Variants in LMX1B observed in about 807,000 individuals in gnomAD.
The protein encoded by LMX1B is LIM homeobox transcription factor 1-beta.
LMX1B carries 12 observed loss-of-function variants against 51.4 expected under a neutral mutation model. The observed-to-expected ratio is 0.23, with a 90% confidence interval of 0.15 to 0.38. The LOEUF is 0.38. Ranked by LOEUF, LMX1B falls within the 10% of genes least tolerant of loss-of-function variation. LMX1B has a pLI of 1.00. For missense variants in LMX1B, 445 were observed against 571.1 expected, an observed-to-expected ratio of 0.78 and a Z score of 2.25; for synonymous variants, 237 against 235.4, an observed-to-expected ratio of 1.01 and a Z score of -0.06.
chr9:126,658,275 G>C lies in LMX1B; in HGVS notation c.327-32561G>C, dbSNP rs1836157254. ...CAGGCTTGGGGTTTGGAGAAAGGGA[G>C]TCAAGCCTCTAAAATGAGGGAGGGA... On this transcript the variant is annotated intron_variant, in intron 2 of 7. Coordinates refer to ENST00000373474, the MANE Select transcript of LMX1B (RefSeq NM_001174147.2). The surrounding 1 kb of genome is among the most constrained non-coding windows in gnomAD (Gnocchi z 4.0). Among the ~76,000 whole-genome samples the C allele has an allele frequency of 6.6e-6, 1 of 152,112 alleles. No individual in the cohort carries two copies. The highest frequency in any genetic ancestry group is 2.1e-4 in the South Asian group (1 of 4,830).
rs996413844 is a variant in LMX1B, at chr9:126,671,680, C to T, written c.327-19156C>T. ...GGGATGAGAGGTCAGCGGGCCTGCC[C>T]TGTGCCGAGCGGTGGAATTTTTCAA... is the stretch of plus-strand genomic sequence containing the variant. On this transcript the variant is annotated intron_variant, in intron 2 of 7. Coordinates refer to ENST00000373474, the MANE Select transcript of LMX1B (RefSeq NM_001174147.2). The surrounding 1 kb of genome is among the most constrained non-coding windows in gnomAD (Gnocchi z 4.4). 3.9e-5 allele frequency among the ~76,000 whole-genome samples: 6 copies of T among 152,252 alleles called. No individual in the cohort carries two copies. In the East Asian group the frequency reaches 1.2e-3, roughly 30 times the overall value.
intron 2 of LMX1B, among the ~76,000 whole-genome samples, chr9:126,619,554 G>A (rs766255399): frequency 6.6e-6 from 1 of 152,226 alleles, no homozygotes; most frequent in Non-Finnish European, 1.5e-5. Flanking sequence ...TTACAAAAAG[G>A]CTTCTATGGT....
chr9:126,642,649 G>A (rs1284139877), intron 2 of LMX1B, among the ~76,000 whole-genome samples: 1 of 152,234 alleles, frequency 6.6e-6, no homozygotes, highest in Non-Finnish European at 1.5e-5. Flanking sequence ...GTTCCCGGAG[G>A]GTGGGTCTCT....
intron 2 of LMX1B, among the ~76,000 whole-genome samples, chr9:126,653,848 G>A (rs1012153752): frequency 7.2e-5 from 11 of 152,050 alleles, no homozygotes; most frequent in African/African-American, 1.2e-4. Context: ...TGAACATTAG[G>A]ACGTTGTCTT....
intron 2 of LMX1B, among the ~76,000 whole-genome samples, chr9:126,657,691 A>C (rs1305626962): frequency 6.6e-6 from 1 of 152,244 alleles, no homozygotes; most frequent in East Asian, 1.9e-4. Flanking sequence ...ATCTTGATGC[A>C]TCCATTCATT....
chr9:126,634,431 GA>G (rs1383224049), intron 2 of LMX1B, among the ~76,000 whole-genome samples: 2 of 152,240 alleles, frequency 1.3e-5, no homozygotes, highest in African/African-American at 4.8e-5. Context: ...GCATGGGGAA[GA>G]AAACGCTCCA....
At chr9:126,681,493 C>T (rs1836670593) in intron 2 of LMX1B, among the ~76,000 whole-genome samples, 1 of 152,152 alleles carries the variant, frequency 6.6e-6, no homozygotes, top group African/African-American at 2.4e-5. Flanking sequence ...CAAGGCTTCC[C>T]CTGCCCTCCT....
chr9:126,658,986 C>G lies in LMX1B; in HGVS notation c.327-31850C>G, dbSNP rs1201615327. 6.6e-6 allele frequency among the ~76,000 whole-genome samples: 1 copy of G among 152,174 alleles called. No homozygotes were observed. The highest frequency in any genetic ancestry group is 1.9e-4 in the East Asian group (1 of 5,192). ...GCTGGGATACAGGGTGGGAGGGACC[C>G]TTCAGGGGGCTGAGAGGCGGGTGTT... On this transcript the variant is annotated intron_variant, in intron 2 of 7. Transcript: ENST00000373474. This position sits in a 1 kb window ranked among gnomAD's most constrained non-coding sequence, Gnocchi z 4.0.
At chr9:126,657,195 T>A (rs1836134028) in intron 2 of LMX1B, among the ~76,000 whole-genome samples, 1 of 152,190 alleles carries the variant, frequency 6.6e-6, no homozygotes, top group Non-Finnish European at 1.5e-5. Flanking sequence ...CTATTACTAG[T>A]AAGAAGAAAC....
rs977311161 is a variant in LMX1B, at chr9:126,700,498, G to A, written c.*4047G>A. 6.6e-6 allele frequency: 1 copy of A among 152,322 alleles called. No homozygotes were observed. The highest frequency in any genetic ancestry group is 2.4e-5 in the African/African-American group (1 of 41,472). The allele number at this position is 152,322 out of a possible 1,614,324, so 9.4% of individuals were successfully genotyped here. A position where few individuals can be genotyped will look rare whatever the true frequency, so the allele number is the denominator to read the frequency against. Reference sequence around the variant, plus strand: ...GCCTGGCTCCATCCTTGAGCTCTGGGCACCACCTAGGGTGAGGGAGAGCCT... The same window carrying A: ...GCCTGGCTCCATCCTTGAGCTCTGGACACCACCTAGGGTGAGGGAGAGCCT... On this transcript the variant is annotated 3_prime_UTR_variant, in exon 8 of 8. Transcript: ENST00000373474.
chr9:126,665,704 C>A (rs1836329536), intron 2 of LMX1B, among the ~76,000 whole-genome samples: 1 of 152,222 alleles, frequency 6.6e-6, no homozygotes, highest in Admixed American at 6.5e-5. Flanking sequence ...GCTTCACCAG[C>A]CGTGGAGAAT....
At chr9:126,666,596 T>C (rs1413703298) in intron 2 of LMX1B, among the ~76,000 whole-genome samples, 1 of 152,206 alleles carries the variant, frequency 6.6e-6, no homozygotes, top group East Asian at 1.9e-4. Context: ...ATAACCTCAC[T>C]GGCGCCATTC....
intron 2 of LMX1B, among the ~76,000 whole-genome samples, chr9:126,669,457 C>T (rs141644380): frequency 1.3e-5 from 2 of 152,258 alleles, no homozygotes; most frequent in South Asian, 2.1e-4. Flanking sequence ...TTTGTATGAG[C>T]GCATGTGTGT....
At chr9:126,660,887 C>T (rs554154831) in intron 2 of LMX1B, among the ~76,000 whole-genome samples, 4 of 152,306 alleles carry the variant, frequency 2.6e-5, no homozygotes, top group African/African-American at 9.6e-5. Flanking sequence ...CAGGCAGTGA[C>T]AGGGCATTTT....
At position 126,696,095 on chromosome 9, in the gene LMX1B, C is replaced by A. The variant is rs149111178; in HGVS notation, c.1051+92C>A. The A allele has an allele frequency of 1.0e-3, 1,287 of 1,289,412 alleles. 11 individuals carry two copies. In the African/African-American group the frequency reaches 0.017, roughly 17 times the overall value. The allele number at this position is 1,289,412 out of a possible 1,614,324, so 79.9% of individuals were successfully genotyped here. On this transcript the variant is annotated intron_variant, in intron 7 of 7. Coordinates refer to ENST00000373474, the MANE Select transcript of LMX1B (RefSeq NM_001174147.2). The stretch of plus-strand genomic sequence containing the variant: ...CTGGGGCCAGGACAGCCACCTGCTG[C>A]CCTAGGGCTCAGGCAGCATGGCCAG...
At chr9:126,643,098 G>C (rs530199520) in intron 2 of LMX1B, among the ~76,000 whole-genome samples, 32 of 152,312 alleles carry the variant, frequency 2.1e-4, no homozygotes, top group Admixed American at 1.6e-3. Context: ...TCAGGGGCCT[G>C]ATAAGATCTT....
intron 2 of LMX1B, among the ~76,000 whole-genome samples, chr9:126,621,978 A>G (rs1835425247): frequency 6.6e-6 from 1 of 152,036 alleles, no homozygotes; most frequent in Non-Finnish European, 1.5e-5. Flanking sequence ...GTACAAATAA[A>G]TTTCTGCGTG....
At chr9:126,680,426 G>A (rs931342760) in intron 2 of LMX1B, among the ~76,000 whole-genome samples, 1 of 152,184 alleles carries the variant, frequency 6.6e-6, no homozygotes, top group Non-Finnish European at 1.5e-5. Flanking sequence ...TGCCTACCTC[G>A]CAGGGGTCTT....
chr9:126,616,818 G>A (rs776148435), intron 2 of LMX1B, among the ~76,000 whole-genome samples: 8 of 152,190 alleles, frequency 5.3e-5, no homozygotes, highest in African/African-American at 1.7e-4. Context: ...CAGAGCCCTA[G>A]AGAGGGCATC....
Sources: gnomAD v4.1 joint callset for allele counts (sites outside exome capture counted in the v4.1 genomes callset) on GRCh38, gnomAD v4.1.1 for gene constraint, Gnocchi (gnomAD v3.1) non-coding constraint, MANE v1.5 for transcripts, NCBI Gene and HGNC (gene_info 2026-07-23, HGNC 2026-07-21) for gene names.